The following FAM20C variants were observed in gnomAD, a reference collection of about 807,000 sequenced individuals.
The protein encoded by FAM20C is extracellular serine/threonine protein kinase FAM20C.
Under a neutral mutation model 51.5 loss-of-function variants are expected in FAM20C, and 40 were observed. The ratio of observed to expected loss-of-function variants is 0.78; its 90% CI spans 0.60 to 1.01. The LOEUF (loss-of-function observed/expected upper bound fraction) is 1.01. Among genes scored for constraint, FAM20C ranks in the 50% least tolerant of loss-of-function variants. The pLI is 0.00. For missense variants in FAM20C, 861 were observed against 844.7 expected, an observed-to-expected ratio of 1.02 and a Z score of -0.24; for synonymous variants, 406 against 380.6, an observed-to-expected ratio of 1.07 and a Z score of -0.78.
intron 9 of FAM20C, 81 bp downstream of exon 9, chr7:258,786 AC>A: frequency 1.5e-6 from 2 of 1,320,656 alleles, no homozygotes; most frequent in Non-Finnish European, 2.0e-6. Context: ...AGCCTTCCCC[AC>A]CCCACCCCGG....
chr7:247,745 CAG>C (rs907266476), intron 4 of FAM20C, among the ~76,000 whole-genome samples: 4 of 152,176 alleles, frequency 2.6e-5, no homozygotes, highest in Non-Finnish European at 5.9e-5. Context: ...AAACAGGACA[CAG>C]AGCCCAGCAC....
intron 2 of FAM20C, among the ~76,000 whole-genome samples, chr7:206,833 C>T (rs71536274): frequency 2.5e-3 from 76 of 29,890 alleles, no homozygotes; most frequent in Non-Finnish European, 3.7e-3. Flanking sequence ...CCCTCGGCCC[C>T]GCACACGTGT....
chr7:235,100 A>G (rs1787809768), intron 3 of FAM20C, among the ~76,000 whole-genome samples: 1 of 152,012 alleles, frequency 6.6e-6, no homozygotes, highest in African/African-American at 2.4e-5. Flanking sequence ...CGGCATTTTC[A>G]AACTGTTTAC....
rs1485864429 is a variant in FAM20C, at chr7:197,757, C to G, written c.784+2025C>G. On this transcript the variant is annotated intron_variant, in intron 2 of 9. Transcript: ENST00000313766. ...CCTCCCTCACCGACCGGTCAGCTTT[C>G]CAACACCAACACTGAAGAGGTGTGG... Among the ~76,000 whole-genome samples, 3 of 152,336 alleles carry G rather than the reference C, an allele frequency of 2.0e-5. No individual in the cohort carries two copies. In the East Asian group the frequency reaches 5.8e-4, roughly 29 times the overall value.
At chr7:197,748 G>C (rs1348934256) in intron 2 of FAM20C, among the ~76,000 whole-genome samples, 2 of 152,210 alleles carry the variant, frequency 1.3e-5, no homozygotes, top group Non-Finnish European at 2.9e-5. Context: ...TCACCGACCG[G>C]TCAGCTTTCC....
At chr7:257,336 T>C in intron 8 of FAM20C, 1 of 529,088 alleles carries the variant, frequency 1.9e-6, no homozygotes. Context: ...GAGCTGGTGT[T>C]ACCTGGGAAA....
At chr7:252,473 C>T (rs945298298) in intron 5 of FAM20C, among the ~76,000 whole-genome samples, 1 of 151,238 alleles carries the variant, frequency 6.6e-6, no homozygotes, top group Non-Finnish European at 1.5e-5. Flanking sequence ...ACTGCAGACA[C>T]CCCCTCGGCC....
intron 2 of FAM20C, among the ~76,000 whole-genome samples, chr7:199,870 TGGCATGTGAGGATTCG>T (rs1439981643): frequency 7.9e-5 from 12 of 152,218 alleles, no homozygotes; most frequent in Admixed American, 7.9e-4. Flanking sequence ...GACATCCCAC[TGGCATGTGAGGATTCG>T]GGCAGCTTCT....
At position 192,674 on chromosome 7, in the gene FAM20C, C is replaced by CG. The variant is rs1785613399; in HGVS notation, c.-526_-525insG. 6.7e-6 allele frequency among the ~76,000 whole-genome samples: 1 copy of CG among 149,536 alleles called. No individual in the cohort carries two copies. The highest frequency in any genetic ancestry group is 2.1e-4 in the South Asian group (1 of 4,812). ...CCACCCCTTCCGCCCTTCGCCCCCC[C>CG]CTTCCCCCCAGCCCCGGTCTCCCGG... On this transcript the variant is annotated 5_prime_UTR_variant, in exon 1 of 10. Transcript: ENST00000313766.
At chr7:231,492 C>T (rs534527834) in intron 3 of FAM20C, among the ~76,000 whole-genome samples, 19 of 148,404 alleles carry the variant, frequency 1.3e-4, no homozygotes, top group South Asian at 4.3e-4. Context: ...AGGAGGGTCC[C>T]GGCGTCGAGG....
intron 9 of FAM20C, 90 bp downstream of exon 9, chr7:258,795 C>A: frequency 1.6e-6 from 2 of 1,255,266 alleles, no homozygotes; most frequent in Non-Finnish European, 2.2e-6. Context: ...CACCCCACCC[C>A]GGCCATCACA....
At chr7:212,712 C>T (rs1786779546) in intron 3 of FAM20C, among the ~76,000 whole-genome samples, 1 of 152,168 alleles carries the variant, frequency 6.6e-6, no homozygotes, top group African/African-American at 2.4e-5. Flanking sequence ...CGCTGAAAAG[C>T]ACGTAGCCGG....
chr7:213,574 C>T (rs113556924), intron 3 of FAM20C, among the ~76,000 whole-genome samples: 27 of 152,132 alleles, frequency 1.8e-4, no homozygotes, highest in African/African-American at 3.1e-4. Context: ...CCTCTGTTGA[C>T]GGGCATTTGA....
At position 193,131 on chromosome 7, in the gene FAM20C, C is replaced by T; in HGVS notation, c.-69C>T. Reference sequence around the variant, plus strand: ...TTGACCCGCGAGGCGGCGCCGCGCTCGTGCCCAGCTGCAGCTAGAGGGGCG... The same window carrying T: ...TTGACCCGCGAGGCGGCGCCGCGCTTGTGCCCAGCTGCAGCTAGAGGGGCG... On this transcript the variant is annotated 5_prime_UTR_variant, in exon 1 of 10. Transcript: ENST00000313766. 2.2e-6 allele frequency: 3 copies of T among 1,338,252 alleles called. No individual in the cohort carries two copies. Among genetic ancestry groups the T allele is most frequent in the Non-Finnish European group, 2.9e-6 (3 of 1,029,178 alleles). The allele number at this position is 1,338,252 out of a possible 1,614,324, so 82.9% of individuals were successfully genotyped here.
rs1562402021 is a variant in FAM20C at position 258,412 on chromosome 7, GTGGGGTGGACC to G, written c.1446-233_1446-223del. 6.8e-4 allele frequency among the ~76,000 whole-genome samples: 58 copies of G among 85,090 alleles called. 5 individuals are homozygous for G. The highest frequency in any genetic ancestry group is 1.2e-3 in the Admixed American group (11 of 9,544). 55.8% of individuals were successfully genotyped at this position (85,090 alleles called of 152,430 possible). On this transcript the variant is annotated intron_variant, in intron 8 of 9. Transcript: ENST00000313766. Reference sequence around the variant, plus strand: ...CCACTGCCCGGGATGCTGGAGATGGGTGGGGTGGACCCACTGCCTGGGGTGCTGGAGATGGG... The same window carrying G: ...CCACTGCCCGGGATGCTGGAGATGGGCACTGCCTGGGGTGCTGGAGATGGG...
At chr7:201,439 A>ATGAG (rs1786122721) in intron 2 of FAM20C, among the ~76,000 whole-genome samples, 1 of 151,990 alleles carries the variant, frequency 6.6e-6, no homozygotes, top group South Asian at 2.1e-4. Flanking sequence ...GAAACCAAGG[A>ATGAG]TGAGTGGTGG....
intron 4 of FAM20C, 25 bp downstream of exon 4, chr7:246,532 T>C: frequency 1.3e-6 from 2 of 1,495,960 alleles, no homozygotes; most frequent in Non-Finnish European, 1.8e-6. Flanking sequence ...CCTCCCTCCA[T>C]CCGCGCTCCC....
At chr7:222,944 A>G (rs1394509935) in intron 3 of FAM20C, among the ~76,000 whole-genome samples, 1 of 151,410 alleles carries the variant, frequency 6.6e-6, no homozygotes, top group East Asian at 1.9e-4. Flanking sequence ...ACACGTGTGC[A>G]TGTGTGTGTG....
chr7:202,560 G>A (rs1290906862), intron 2 of FAM20C, among the ~76,000 whole-genome samples: 3 of 144,684 alleles, frequency 2.1e-5, no homozygotes, highest in Non-Finnish European at 3.0e-5. Flanking sequence ...TAGAGAGGAC[G>A]GGTAGCTGCT....
Sources: allele counts gnomAD v4.1 joint callset (sites outside exome capture counted in the v4.1 genomes callset), GRCh38; gene constraint gnomAD v4.1.1; transcripts MANE v1.5; gene names NCBI Gene and HGNC (gene_info 2026-07-23, HGNC 2026-07-21).